The following SERAC1 variants were observed in gnomAD, a reference collection of about 807,000 sequenced individuals.
The protein encoded by SERAC1 is protein SERAC1.
SERAC1 carries 36 observed loss-of-function variants against 85.7 expected under a neutral mutation model. That is an observed-to-expected ratio of 0.42 (90% CI 0.32 to 0.55). The LOEUF (loss-of-function observed/expected upper bound fraction) is 0.55. Among genes scored for constraint, SERAC1 ranks in the 20% least tolerant of loss-of-function variants. The pLI, the probability that SERAC1 is intolerant of heterozygous loss-of-function variation, is 0.11. For synonymous variants in SERAC1, 242 were observed against 265.3 expected, an observed-to-expected ratio of 0.91 and a Z score of 0.85; for missense variants, 629 against 796.2, an observed-to-expected ratio of 0.79 and a Z score of 2.53.
chr6:158,113,526 A>G lies in SERAC1; in HGVS notation c.1751T>C (p.Val584Ala). The change falls in exon 16 of 17, where the codon GTG becomes GCG. Residue 584 changes from valine to alanine, a missense_variant. Val to Ala is a moderately conservative substitution (Grantham distance 64, BLOSUM62 0). Transcript: ENST00000647468. ...LEFAKDKNFQVLNFVETLPTY... is the reference protein window; with the variant it reads ...LEFAKDKNFQALNFVETLPTY... ...TGGTAGTGTTTCCACAAAATTCAGC[A>G]CCTGGAAGTTTTTGTCTTTAGCAAA... is the stretch of plus-strand genomic sequence containing the variant. 6.2e-7 allele frequency: 1 copy of G among 1,613,986 alleles called. No homozygotes were observed. The highest frequency in any genetic ancestry group is 8.5e-7 in the Non-Finnish European group (1 of 1,179,862).
chr6:158,146,938 C>G (rs1785075710), intron 5 of SERAC1, 25 bp from the exon 6 acceptor site: 1 of 1,607,700 alleles, frequency 6.2e-7, no homozygotes, highest in Non-Finnish European at 8.5e-7. Context: ...AAAGCCAAGA[C>G]AATGTGAAAA....
At chr6:158,148,446 C>T (rs1007000830) in intron 5 of SERAC1, among the ~76,000 whole-genome samples, 2 of 152,072 alleles carry the variant, frequency 1.3e-5, no homozygotes, top group Middle Eastern at 3.4e-3. Context: ...ATGTTAATTA[C>T]TTTGCTTTTT....
chr6:158,118,863 G>A (rs1010891273), intron 12 of SERAC1, among the ~76,000 whole-genome samples, 166 bp downstream of exon 12: 1 of 152,002 alleles, frequency 6.6e-6, no homozygotes, highest in African/African-American at 2.4e-5. Flanking sequence ...TACAACATAG[G>A]GTGACAAGCC....
intron 14 of SERAC1, 55 bp downstream of exon 14, chr6:158,116,130 A>G: frequency 1.4e-6 from 2 of 1,419,568 alleles, no homozygotes; most frequent in Admixed American, 3.4e-5. Flanking sequence ...GGTTGGCCAC[A>G]GTGGCTGAAA....
At chr6:158,137,531 C>A (rs1220594783) in intron 8 of SERAC1, among the ~76,000 whole-genome samples, 2 of 152,120 alleles carry the variant, frequency 1.3e-5, no homozygotes, top group Non-Finnish European at 2.9e-5. Context: ...CCAGTGTGAT[C>A]TATGGCTCCT....
Position 158,117,409 on chromosome 6 carries a change from CAA to C in SERAC1, c.1403+316_1403+317del, listed in dbSNP as rs35421004. The C allele has an allele frequency of 0.15, 170,797 of 1,103,100 alleles. 17,390 individuals carry two copies. Among genetic ancestry groups the C allele is most frequent in the East Asian group, 0.48 (18,719 of 38,674 alleles). The allele number at this position is 1,103,100 out of a possible 1,614,324, so 68.3% of individuals were successfully genotyped here. A position where few individuals can be genotyped will look rare whatever the true frequency, so the allele number is the denominator to read the frequency against. ...CCTTTAGCCAGTATGATTGTGGACACAAGAACAAAAAAACATCACTTTTACTT... is the reference window on the plus strand; with the variant it reads ...CCTTTAGCCAGTATGATTGTGGACACGAACAAAAAAACATCACTTTTACTT... On this transcript the variant is annotated intron_variant, in intron 13 of 16. Coordinates refer to ENST00000647468, the MANE Select transcript of SERAC1 (RefSeq NM_032861.4). The surrounding 1 kb of genome is among the most constrained non-coding windows in gnomAD (Gnocchi z 4.3).
intron 1 of SERAC1, among the ~76,000 whole-genome samples, chr6:158,164,333 G>T (rs372765339): frequency 6.6e-6 from 1 of 151,950 alleles, no homozygotes; most frequent in Non-Finnish European, 1.5e-5. Context: ...AAATTAGCTG[G>T]GTGTGGTGGC....
chr6:158,153,356 TC>T (rs1785251322), intron 3 of SERAC1, among the ~76,000 whole-genome samples: 1 of 152,180 alleles, frequency 6.6e-6, no homozygotes, highest in African/African-American at 2.4e-5. Context: ...TTATTCACTC[TC>T]CCATAGATGG....
intron 1 of SERAC1, among the ~76,000 whole-genome samples, chr6:158,164,268 G>A (rs1028981194): frequency 3.8e-4 from 58 of 151,982 alleles, no homozygotes; most frequent in Non-Finnish European, 3.7e-4. Context: ...GAGGTCAGGA[G>A]ATCGAGACCA....
At chr6:158,124,518 GA>G (rs1219896827) in intron 10 of SERAC1, among the ~76,000 whole-genome samples, 1 of 152,066 alleles carries the variant, frequency 6.6e-6, no homozygotes, top group African/African-American at 2.4e-5. Context: ...CACAAAAAAT[GA>G]TATGTATAAG....
chr6:158,149,194 T>C (rs1436219032), intron 4 of SERAC1, among the ~76,000 whole-genome samples: 1 of 152,020 alleles, frequency 6.6e-6, no homozygotes, highest in African/African-American at 2.4e-5. Flanking sequence ...GGGTTTCACC[T>C]TGTTAGCCAG....
chr6:158,126,449 T>C (rs904361979), intron 10 of SERAC1, among the ~76,000 whole-genome samples: 2 of 151,926 alleles, frequency 1.3e-5, no homozygotes, highest in African/African-American at 4.8e-5. Flanking sequence ...CTTTTAAAAA[T>C]AGGAATTCAT....
Position 158,111,518 on chromosome 6 carries a change from A to G in SERAC1, c.1829-16T>C. 1 of 1,568,674 alleles carries G rather than the reference A, an allele frequency of 6.4e-7. No homozygotes were observed. Among genetic ancestry groups the G allele is most frequent in the Non-Finnish European group, 8.6e-7 (1 of 1,160,318 alleles). On this transcript the variant is annotated splice_polypyrimidine_tract_variant and intron_variant, in intron 16 of 16. Transcript: ENST00000647468. ...ATGCCTAAATCTGAAGAAAATAAAAAAGTCAATAAACCTAAGTAAAAATAT... is the reference window on the plus strand; with the variant it reads ...ATGCCTAAATCTGAAGAAAATAAAAGAGTCAATAAACCTAAGTAAAAATAT...
chr6:158,141,589 T>C (rs1338203763), intron 8 of SERAC1, among the ~76,000 whole-genome samples: 1 of 152,216 alleles, frequency 6.6e-6, no homozygotes. Context: ...GCACACCTAG[T>C]GCCTGGGTTT....
At chr6:158,121,225 T>A (rs1473121076) in intron 10 of SERAC1, among the ~76,000 whole-genome samples, 1 of 152,106 alleles carries the variant, frequency 6.6e-6, no homozygotes, top group African/African-American at 2.4e-5. Flanking sequence ...ATCTATACAC[T>A]AAACTTATAA....
chr6:158,131,013 C>T (rs543779615), intron 8 of SERAC1, among the ~76,000 whole-genome samples: 243 of 152,146 alleles, frequency 1.6e-3, no homozygotes, highest in Non-Finnish European at 2.0e-3. Context: ...AAACAAAAAT[C>T]GTTACAAAAA....
intron 1 of SERAC1, among the ~76,000 whole-genome samples, chr6:158,160,642 C>T (rs964997685): frequency 1.5e-4 from 23 of 152,086 alleles, no homozygotes; most frequent in African/African-American, 5.6e-4. Flanking sequence ...TTACATTTAT[C>T]GCATGTTGGA....
At chr6:158,141,472 C>T (rs890064400) in intron 8 of SERAC1, among the ~76,000 whole-genome samples, 1 of 152,192 alleles carries the variant, frequency 6.6e-6, no homozygotes, top group Non-Finnish European at 1.5e-5. Flanking sequence ...GGAAATATCA[C>T]CATAAATTTA....
chr6:158,118,896 C>T, intron 12 of SERAC1, 133 bp downstream of exon 12: 2 of 1,084,810 alleles, frequency 1.8e-6, no homozygotes, highest in Non-Finnish European at 2.6e-6. Context: ...AAACATACTA[C>T]AAATCTCCCT....
Sources: gnomAD v4.1 joint callset for allele counts (sites outside exome capture counted in the v4.1 genomes callset) on GRCh38, gnomAD v4.1.1 for gene constraint, Gnocchi (gnomAD v3.1) non-coding constraint, MANE v1.5 for transcripts, NCBI Gene and HGNC (gene_info 2026-07-23, HGNC 2026-07-21) for gene names.